The following TECTA variants were observed in gnomAD, a reference collection of about 807,000 sequenced individuals.
The protein encoded by TECTA is alpha-tectorin.
In TECTA, 128 loss-of-function variants were observed where a neutral mutation model predicts 216.8. That is an observed-to-expected ratio of 0.59 (90% CI 0.51 to 0.68). The LOEUF (loss-of-function observed/expected upper bound fraction) is 0.68, where lower values mean the gene tolerates loss of function less well. Among genes scored for constraint, TECTA ranks in the 30% least tolerant of loss-of-function variants. The pLI, the probability that TECTA is intolerant of heterozygous loss-of-function variation, is 0.00. For synonymous variants in TECTA, 1,089 were observed against 1,117.1 expected (o/e 0.97, Z 0.50); for missense variants, 2,551 against 2,786.2 (o/e 0.92, Z 1.90).
intron 14 of TECTA, 70 bp downstream of exon 14, chr11:121,158,294 G>T (rs774233608): frequency 1.8e-4 from 279 of 1,591,976 alleles, no homozygotes; most frequent in Non-Finnish European, 2.3e-4. Context: ...ACTGTGTAGG[G>T]TTCTCCCAGA....
chr11:121,182,051 G>A (rs950233482), intron 20 of TECTA, among the ~76,000 whole-genome samples: 2 of 152,218 alleles, frequency 1.3e-5, no homozygotes, highest in Admixed American at 6.5e-5. Context: ...ATTAATGGAG[G>A]ATATGGTGAG....
intron 20 of TECTA, among the ~76,000 whole-genome samples, chr11:121,173,021 C>T (rs1395436101): frequency 3.3e-5 from 5 of 151,158 alleles, no homozygotes; most frequent in Admixed American, 2.6e-4. Flanking sequence ...CCTTCACCCA[C>T]TTTTTGATGG....
chr11:121,143,501 G>A (rs1004056823), intron 11 of TECTA, among the ~76,000 whole-genome samples: 7 of 152,136 alleles, frequency 4.6e-5, no homozygotes, highest in Admixed American at 4.6e-4. Context: ...GCTGGTGCCT[G>A]TGCATCTGTT....
chr11:121,153,447 G>A (rs768211988), intron 13 of TECTA, among the ~76,000 whole-genome samples: 3 of 152,292 alleles, frequency 2.0e-5, no homozygotes, highest in African/African-American at 4.8e-5. Flanking sequence ...TTGGATACAC[G>A]GTGGCTGTGA....
rs939019890 is a variant in TECTA at position 121,130,160 on chromosome 11, T to G, written c.2890T>G (p.Cys964Gly). Residue 964 changes from cysteine (C) to glycine (G), a missense_variant, in exon 10 of 24, where the codon TGC becomes GGC. Physicochemically the swap from Cys to Gly is radical, Grantham distance 159. Coordinates refer to ENST00000392793, the MANE Select transcript of TECTA (RefSeq NM_005422.4). ...CDSVARYASA[C>G]KNADVEVGPW... Reference sequence around the variant, plus strand: ...CTCTGTGGCCCGGTATGCAAGCGCCTGCAAGAATGCGGACGTGGAGGTGGG... The same window carrying G: ...CTCTGTGGCCCGGTATGCAAGCGCCGGCAAGAATGCGGACGTGGAGGTGGG... 52 of 1,606,356 alleles carry G rather than the reference T, an allele frequency of 3.2e-5. No individual in the cohort carries two copies. The highest frequency in any genetic ancestry group is 4.4e-5 in the Non-Finnish European group (52 of 1,179,970).
intron 15 of TECTA, 50 bp downstream of exon 15, chr11:121,160,471 C>G: frequency 6.3e-7 from 1 of 1,598,650 alleles, no homozygotes; most frequent in Non-Finnish European, 8.5e-7. Context: ...CAAGTTCTCT[C>G]ACGTCCATGG....
At chr11:121,180,050 A>C (rs1038555658) in intron 20 of TECTA, among the ~76,000 whole-genome samples, 8 of 148,846 alleles carry the variant, frequency 5.4e-5, no homozygotes, top group Non-Finnish European at 1.0e-4. Flanking sequence ...ATTCAAGGTT[A>C]TTATTGATAA....
intron 20 of TECTA, among the ~76,000 whole-genome samples, chr11:121,184,041 C>A (rs11606279): frequency 1.3e-5 from 2 of 152,088 alleles, no homozygotes; most frequent in African/African-American, 4.8e-5. Context: ...CTCCCATCTT[C>A]GCCTCCCAAA....
At chr11:121,166,870 G>T (rs2135130537) in intron 18 of TECTA, 90 bp downstream of exon 18, 1 of 1,455,380 alleles carries the variant, frequency 6.9e-7, no homozygotes, top group Non-Finnish European at 9.5e-7. Flanking sequence ...CAACTTCAGG[G>T]TGATCTGCTT....
In TECTA at chr11:121,188,317, C is replaced by T. The variant is rs182951323; in HGVS notation, c.6162+323C>T. 1.8e-3 allele frequency among the ~76,000 whole-genome samples: 274 copies of T among 152,318 alleles called. 4 individuals carry two copies. The highest frequency in any genetic ancestry group is 3.4e-3 in the Middle Eastern group (1 of 294). ...GTAGGATGTTAGCAACATCCCTCACCTCTACCCATGGATACCAGTCACATC... is the reference window on the plus strand; with the variant it reads ...GTAGGATGTTAGCAACATCCCTCACTTCTACCCATGGATACCAGTCACATC... On this transcript the variant is annotated intron_variant, in intron 21 of 23. Transcript: ENST00000392793.
At chr11:121,137,368 G>C (rs2097345344) in intron 10 of TECTA, 53 bp from the exon 11 acceptor site, 1 of 1,612,834 alleles carries the variant, frequency 6.2e-7, no homozygotes, top group African/African-American at 1.3e-5. Context: ...GCACACTTCT[G>C]TCTCTGACTT....
intron 2 of TECTA, among the ~76,000 whole-genome samples, chr11:121,104,680 C>T (rs937852726): frequency 7.2e-5 from 11 of 151,970 alleles, no homozygotes; most frequent in Middle Eastern, 3.4e-3. Flanking sequence ...AGTCCTTGGC[C>T]GGTTGCTCCC....
chr11:121,160,388 C>A lies in TECTA; in HGVS notation c.4943C>A (p.Ala1648Asp). 1 of 1,612,872 alleles carries A rather than the reference C, an allele frequency of 6.2e-7. No homozygotes were observed. The highest frequency in any genetic ancestry group is 8.5e-7 in the Non-Finnish European group (1 of 1,179,914). ...GKPVVSSVVL[A>D]QSWKTNGMQK... ...CCGGTGGTAAGCAGCGTGGTGCTGG[C>A]CCAGAGCTGGAAAACCAATGGCATG... The change falls in exon 15 of 24, where the codon GCC becomes GAC. Residue 1648 changes from alanine (A) to aspartate (D), a missense_variant. Ala to Asp is a moderately radical substitution (Grantham distance 126). Coordinates refer to ENST00000392793, the MANE Select transcript of TECTA (RefSeq NM_005422.4).
At chr11:121,168,557 G>A in intron 19 of TECTA, 120 bp from the exon 20 acceptor site, 2 of 1,465,490 alleles carry the variant, frequency 1.4e-6, no homozygotes, top group Middle Eastern at 3.7e-4. Flanking sequence ...GGACAGCACA[G>A]CCTTAGACTT....
rs1946650312 is a variant in TECTA at position 121,129,618 on chromosome 11, A to G, written c.2368-20A>G. 6.2e-7 allele frequency: 1 copy of G among 1,613,144 alleles called. No individual in the cohort carries two copies. Among genetic ancestry groups the G allele is most frequent in the Non-Finnish European group, 8.5e-7 (1 of 1,179,190 alleles). ...GCTCTGTGTGTCTCTGGAATTGATA[A>G]GAATGACTTGATTTTTCAGTTGAAT... is the stretch of plus-strand genomic sequence containing the variant. On this transcript the variant is annotated intron_variant, in intron 9 of 23. Coordinates refer to ENST00000392793, the MANE Select transcript of TECTA (RefSeq NM_005422.4).
chr11:121,113,099 T>A lies in TECTA; in HGVS notation c.514T>A (p.Ser172Thr). 1 of 1,614,130 alleles carries A rather than the reference T, an allele frequency of 6.2e-7. No individual in the cohort carries two copies. Among genetic ancestry groups the A allele is most frequent in the Non-Finnish European group, 8.5e-7 (1 of 1,180,024 alleles). The change falls in exon 5 of 24, where the codon TCC becomes ACC. Residue 172 changes from serine (S) to threonine (T), a missense_variant. This residue lies in a region of TECTA where 2,375 missense variants were observed against 2,563.9 expected (regional missense o/e 0.93). Coordinates refer to ENST00000392793, the MANE Select transcript of TECTA (RefSeq NM_005422.4). The surrounding 1 kb of genome is among the most constrained non-coding windows in gnomAD (Gnocchi z 4.2). ...GAACACCTTCCAGGCCGTCCTAGTGTCCGATGGCTCCTATACATTCACCCT... is the reference window on the plus strand; with the variant it reads ...GAACACCTTCCAGGCCGTCCTAGTGACCGATGGCTCCTATACATTCACCCT... ...PVNTFQAVLV[S>T]DGSYTFTLFN...
At chr11:121,110,328 T>G (rs926661414) in intron 4 of TECTA, 2 of 152,208 alleles carry the variant, frequency 1.3e-5, no homozygotes, top group Admixed American at 6.5e-5. Flanking sequence ...CTCCACTTAC[T>G]TAGGATTATT....
chr11:121,137,589 G>T lies in TECTA; in HGVS notation c.3110G>T (p.Gly1037Val). The T allele has an allele frequency of 6.2e-7, 1 of 1,613,934 alleles. No individual in the cohort carries two copies. Among genetic ancestry groups the T allele is most frequent in the Non-Finnish European group, 8.5e-7 (1 of 1,180,000 alleles). ...CAGTGTGTCACGCGGAGTGAGTGTG[G>T]CTGCAACTTTGAGGGGCACCAACTT... ...GSQCVTRSEC[G>V]CNFEGHQLAT... is the part of the protein sequence containing the mutation. The change falls in exon 11 of 24, where the codon GGC (glycine) becomes GTC (valine). Residue 1037 changes from glycine (G) to valine (V), a missense_variant. Gly to Val is a moderately radical substitution (Grantham distance 109, BLOSUM62 -3). Around this residue, in one of 3 missense-constraint regions of TECTA, gnomAD observed 2,375 missense variants for 2,563.9 expected, o/e 0.93. Coordinates refer to ENST00000392793, the MANE Select transcript of TECTA (RefSeq NM_005422.4).
rs758622061 is a variant in TECTA, at chr11:121,127,921, C to T, written c.1944C>T (p.His648=). ...VLSTSQCVPL[H]KCGCDFDGHY... is the part of the protein sequence containing the mutation. ...GCACCAGCCAGTGCGTCCCTCTGCA[C>T]AAGTGCGGCTGCGACTTCGACGGCC... The change falls in exon 9 of 24, where the codon CAC becomes CAT. Residue 648 remains histidine, a synonymous_variant. Coordinates refer to ENST00000392793, the MANE Select transcript of TECTA (RefSeq NM_005422.4). The surrounding 1 kb of genome is among the most constrained non-coding windows in gnomAD (Gnocchi z 5.0). 2 of 1,614,174 alleles carry T rather than the reference C, an allele frequency of 1.2e-6. No homozygotes were observed. Among genetic ancestry groups the T allele is most frequent in the South Asian group, 2.2e-5 (2 of 91,084 alleles).
Sources: gnomAD v4.1 joint callset for allele counts (sites outside exome capture counted in the v4.1 genomes callset) on GRCh38, gnomAD v4.1.1 for gene constraint, gnomAD v4.1.1 regional missense constraint, Gnocchi (gnomAD v3.1) non-coding constraint, MANE v1.5 for transcripts, NCBI Gene and HGNC (gene_info 2026-07-23, HGNC 2026-07-21) for gene names.